SLC12A3: variants seen among roughly 807,000 people sequenced by gnomAD.
SLC12A3 encodes the protein solute carrier family 12 member 3.
SLC12A3 carries 104 observed loss-of-function variants against 121.0 expected under a neutral mutation model. The ratio of observed to expected loss-of-function variants is 0.86; its 90% CI spans 0.73 to 1.01. The LOEUF (loss-of-function observed/expected upper bound fraction) is 1.01, where lower values mean the gene tolerates loss of function less well. Ranked by LOEUF, SLC12A3 falls within the 50% of genes least tolerant of loss-of-function variation. The probability of loss-of-function intolerance (pLI) is 0.00; values close to 1 mark genes in which losing one functional copy is unlikely to be tolerated. For missense variants in SLC12A3, 1,328 were observed against 1,356.3 expected (o/e 0.98, Z 0.33); for synonymous variants, 536 against 533.4 (o/e 1.00, Z -0.07).
chr16:56,900,685 T>C (rs1272787814), intron 23 of SLC12A3, among the ~76,000 whole-genome samples: 1 of 152,042 alleles, frequency 6.6e-6, no homozygotes, highest in Admixed American at 6.6e-5. Context: ...AGCACACCAC[T>C]GTGCCCGGCT....
In SLC12A3 at chr16:56,870,875, T is replaced by G. The variant is rs574795917; in HGVS notation, c.852+139T>G. 16 of 609,800 alleles carry G rather than the reference T, an allele frequency of 2.6e-5. No homozygotes were observed. In the African/African-American group the frequency reaches 3.0e-4, roughly 11 times the overall value. 37.8% of individuals were successfully genotyped at this position (609,800 alleles called of 1,614,324 possible). On this transcript the variant is annotated intron_variant, in intron 6 of 25. Transcript: ENST00000563236. Reference sequence around the variant, plus strand: ...TTTTGAGACAGAATCTCGCTCGATGTCCATGCTGGAGTGCAGTGGTACCAT... The same window carrying G: ...TTTTGAGACAGAATCTCGCTCGATGGCCATGCTGGAGTGCAGTGGTACCAT...
intron 3 of SLC12A3, among the ~76,000 whole-genome samples, chr16:56,869,061 G>A (rs2144686869): frequency 6.6e-6 from 1 of 152,268 alleles, no homozygotes; most frequent in African/African-American, 2.4e-5. Context: ...GTGACTTTGG[G>A]CAAGTTTCTT....
At position 56,892,081 on chromosome 16, in the gene SLC12A3, A is replaced by G. The variant is rs770038566; in HGVS notation, c.2369-2A>G. The stretch of plus-strand genomic sequence containing the variant: ...TGAACAAAGCTGCCTCTTCTTTTGC[A>G]GTTAACCCCGTGTTTGACCCAGCGG... On this transcript the variant is annotated splice_acceptor_variant, in intron 19 of 25. Transcript: ENST00000563236. LOFTEE classifies it high-confidence loss of function. The G allele has an allele frequency of 3.7e-6, 6 of 1,612,672 alleles. No homozygotes were observed. The highest frequency in any genetic ancestry group is 4.2e-6 in the Non-Finnish European group (5 of 1,178,784).
At chr16:56,877,432 A>G (rs2055177898) in intron 8 of SLC12A3, among the ~76,000 whole-genome samples, 1 of 152,222 alleles carries the variant, frequency 6.6e-6, no homozygotes, top group Non-Finnish European at 1.5e-5. Context: ...AATAATTTTA[A>G]AAAAGCAAGA....
At chr16:56,866,210 T>C (rs1192397846) in intron 1 of SLC12A3, among the ~76,000 whole-genome samples, 1 of 152,128 alleles carries the variant, frequency 6.6e-6, no homozygotes, top group African/African-American at 2.4e-5. Context: ...GGTCTTGAAC[T>C]CCTGACCTCA....
At chr16:56,897,125 G>A (rs2055476004) in intron 22 of SLC12A3, among the ~76,000 whole-genome samples, 1 of 152,002 alleles carries the variant, frequency 6.6e-6, no homozygotes, top group Non-Finnish European at 1.5e-5. Context: ...CAGAATGTGA[G>A]TTGGTTTAAA....
At chr16:56,879,879 T>C (rs2055214946) in intron 11 of SLC12A3, among the ~76,000 whole-genome samples, 1 of 152,102 alleles carries the variant, frequency 6.6e-6, no homozygotes, top group African/African-American at 2.4e-5. Context: ...GCCACCAGCA[T>C]CCTGTCCGCA....
chr16:56,898,015 A>C lies in SLC12A3; in HGVS notation c.2634-1515A>C, dbSNP rs150625445. ...TTCCCATTTCTTCCTCTCTCCCAGCACACTCCATGCATCCCAGCCAGCTCC... is the reference window on the plus strand; with the variant it reads ...TTCCCATTTCTTCCTCTCTCCCAGCCCACTCCATGCATCCCAGCCAGCTCC... On this transcript the variant is annotated intron_variant, in intron 22 of 25. Transcript: ENST00000563236. Among the ~76,000 whole-genome samples the C allele has an allele frequency of 3.5e-3, 539 of 152,180 alleles. 4 individuals carry two copies. The highest frequency in any genetic ancestry group is 0.013 in the African/African-American group (530 of 41,510).
rs55980617 is a variant in SLC12A3 at position 56,893,384 on chromosome 16, C to T, written c.2521+330C>T. Reference sequence around the variant, plus strand: ...TTTTCACTTCACAATGAAATATAACCTCTCCCATTAAAAAACAAAAAAAGT... The same window carrying T: ...TTTTCACTTCACAATGAAATATAACTTCTCCCATTAAAAAACAAAAAAAGT... On this transcript the variant is annotated intron_variant, in intron 21 of 25. Coordinates refer to ENST00000563236, the MANE Select transcript of SLC12A3 (RefSeq NM_001126108.2). Among the ~76,000 whole-genome samples the T allele has an allele frequency of 0.097, 14,745 of 152,176 alleles. 892 individuals carry two copies. The highest frequency in any genetic ancestry group is 0.17 in the Middle Eastern group (49 of 294).
Position 56,872,386 on chromosome 16 carries a change from C to T in SLC12A3, c.888C>T (p.Ser296=). The change falls in exon 7 of 26, where the codon TCC becomes TCT. Residue 296 remains serine (S), a synonymous_variant. Coordinates refer to ENST00000563236, the MANE Select transcript of SLC12A3 (RefSeq NM_001126108.2). ...QVLFFLVIMV[S]FANYLVGTLI... Reference sequence around the variant, plus strand: ...TGTTCTTCCTTGTCATCATGGTCTCCTTTGCCAACTATTTAGTGGGGACGC... The same window carrying T: ...TGTTCTTCCTTGTCATCATGGTCTCTTTTGCCAACTATTTAGTGGGGACGC... 6.2e-7 allele frequency: 1 copy of T among 1,614,150 alleles called. No homozygotes were observed. Among genetic ancestry groups the T allele is most frequent in the Non-Finnish European group, 8.5e-7 (1 of 1,180,036 alleles).
At chr16:56,884,242 C>T (rs770405709) in intron 14 of SLC12A3, 38 bp downstream of exon 14, 2 of 1,611,374 alleles carry the variant, frequency 1.2e-6, no homozygotes, top group Non-Finnish European at 8.5e-7. Flanking sequence ...CCCTCCTCCC[C>T]CAGGGTAGCC....
At position 56,879,177 on chromosome 16, in the gene SLC12A3, G is replaced by C. The variant is rs780273313; in HGVS notation, c.1285G>C (p.Glu429Gln). 14 of 1,613,204 alleles carry C rather than the reference G, an allele frequency of 8.7e-6. 1 individual carries two copies. The highest frequency in any genetic ancestry group is 1.7e-4 in the Middle Eastern group (1 of 6,052). The stretch of plus-strand genomic sequence containing the variant: ...CTGCAGCTATGGCTGGAACTTCACC[G>C]AGTGCACCCAGCAGCACAGCTGCCA... ...LACSYGWNFT[E>Q]CTQQHSCHYG... Residue 429 changes from glutamate (E) to glutamine (Q), a missense_variant, in exon 10 of 26, where the codon GAG (glutamate) becomes CAG (glutamine). Glu to Gln is a conservative substitution (Grantham distance 29). Coordinates refer to ENST00000563236, the MANE Select transcript of SLC12A3 (RefSeq NM_001126108.2).
rs905299583 is a variant in SLC12A3, at chr16:56,884,815, G to A, written c.1826-450G>A. Among the ~76,000 whole-genome samples the A allele has an allele frequency of 2.0e-5, 3 of 152,110 alleles. No individual in the cohort carries two copies. In the East Asian group the frequency reaches 5.8e-4, roughly 29 times the overall value. ...AGTGTCTCATTCTGTCACCCAGGCT[G>A]GAGTGCAGCAGCACAACCTCGGCTC... is the stretch of plus-strand genomic sequence containing the variant. On this transcript the variant is annotated intron_variant, in intron 14 of 25. Transcript: ENST00000563236.
Position 56,893,004 on chromosome 16 carries a change from C to A in SLC12A3, c.2471C>A (p.Ser824Ter). 6.2e-7 allele frequency: 1 copy of A among 1,614,200 alleles called. No individual in the cohort carries two copies. The highest frequency in any genetic ancestry group is 1.1e-5 in the South Asian group (1 of 91,060). ...KEEQATTIFQSEQGKKTIDIY... is the reference protein window; with the variant it reads ...KEEQATTIFQ ...GAGCAGGCCACCACCATCTTCCAGTCGGAGCAGGGCAAGAAGACCATAGAC... is the reference window on the plus strand; with the variant it reads ...GAGCAGGCCACCACCATCTTCCAGTAGGAGCAGGGCAAGAAGACCATAGAC... The change falls in exon 21 of 26, where the codon TCG (serine) becomes TAG (stop). Residue 824 changes from serine (S) to a stop codon, truncating the protein, a stop_gained. Transcript: ENST00000563236. LOFTEE classifies it high-confidence loss of function.
rs533306554 is a variant in SLC12A3 at position 56,874,569 on chromosome 16, A to T, written c.1095+1783A>T. ...TAATCCTAGCACTTTGGAAGGCCAG[A>T]GCAGGTGGATCACTTGAGGTCGGGA... On this transcript the variant is annotated intron_variant, in intron 8 of 25. Transcript: ENST00000563236. Among the ~76,000 whole-genome samples the T allele has an allele frequency of 2.0e-5, 3 of 152,308 alleles. No individual in the cohort carries two copies. In the East Asian group the frequency reaches 5.8e-4, roughly 29 times the overall value.
chr16:56,874,911 T>C (rs1460897731), intron 8 of SLC12A3, among the ~76,000 whole-genome samples: 8 of 152,166 alleles, frequency 5.3e-5, no homozygotes, highest in African/African-American at 1.9e-4. Flanking sequence ...GGCCTGGAAA[T>C]TGGAGAACAG....
chr16:56,886,822 TCTGGGCAAAAGAA>T, intron 16 of SLC12A3, 118 bp from the exon 17 acceptor site: 1 of 1,248,696 alleles, frequency 8.0e-7, no homozygotes, highest in Non-Finnish European at 1.1e-6. Flanking sequence ...TTTTCCCTTA[TCTGGGCAAAAGAA>T]AAGGGCACCG....
At position 56,869,414 on chromosome 16, in the gene SLC12A3, G is replaced by A. The variant is rs1330527062; in HGVS notation, c.506-315G>A. Among the ~76,000 whole-genome samples the A allele has an allele frequency of 3.3e-5, 5 of 152,150 alleles. No individual in the cohort carries two copies. In the South Asian group the frequency reaches 6.2e-4, roughly 19 times the overall value. ...GTGGTCTCGGCTCACTGCAACCTCC[G>A]CCTCCTGGGTTCAAGCGATTCTCCT... On this transcript the variant is annotated intron_variant, in intron 3 of 25. Coordinates refer to ENST00000563236, the MANE Select transcript of SLC12A3 (RefSeq NM_001126108.2).
intron 8 of SLC12A3, among the ~76,000 whole-genome samples, chr16:56,875,583 C>A (rs116095877): frequency 2.6e-5 from 4 of 152,050 alleles, no homozygotes; most frequent in Non-Finnish European, 4.4e-5. Context: ...CTAACAAATA[C>A]GTTTTGTGCT....
Sources: gnomAD v4.1 joint callset for allele counts (sites outside exome capture counted in the v4.1 genomes callset) on GRCh38, gnomAD v4.1.1 for gene constraint, MANE v1.5 for transcripts, NCBI Gene and HGNC (gene_info 2026-07-23, HGNC 2026-07-21) for gene names.